GALNT1: variants seen among roughly 807,000 people sequenced by gnomAD.
GALNT1 encodes the protein GalNAc transferase 1.
GALNT1 carries 17 observed loss-of-function variants against 65.7 expected under a neutral mutation model. That is an observed-to-expected ratio of 0.26 (90% confidence interval 0.18 to 0.39). The LOEUF (loss-of-function observed/expected upper bound fraction) is 0.39, where lower values mean the gene tolerates loss of function less well. Among genes scored for constraint, GALNT1 ranks in the 10% least tolerant of loss-of-function variants. The probability of loss-of-function intolerance (pLI) is 1.00; values close to 1 mark genes in which losing one functional copy is unlikely to be tolerated. For synonymous variants in GALNT1, 210 were observed against 219.7 expected (o/e 0.96, Z 0.39); for missense variants, 460 against 672.8 (o/e 0.68, Z 3.50).
In GALNT1 at chr18:35,654,885, CT is replaced by C. The variant is rs2047360873; in HGVS notation, c.139+90del. On this transcript the variant is annotated intron_variant, in intron 2 of 11. Transcript: ENST00000269195. ...TAATTTGGATAATATAAAATTTTAA[CT>C]TTTTTAGATTAACTGTAGTCTGTGA... is the stretch of plus-strand genomic sequence containing the variant. 8 of 1,143,704 alleles carry C rather than the reference CT, an allele frequency of 7.0e-6. No individual in the cohort carries two copies. In the Admixed American group the frequency reaches 2.1e-4, roughly 31 times the overall value. 70.8% of individuals were successfully genotyped at this position (1,143,704 alleles called of 1,614,324 possible). A position where few individuals can be genotyped will look rare whatever the true frequency, so the allele number is the denominator to read the frequency against.
chr18:35,687,767 G>A (rs2047891090), intron 6 of GALNT1, among the ~76,000 whole-genome samples: 1 of 151,628 alleles, frequency 6.6e-6, no homozygotes, highest in African/African-American at 2.4e-5. Flanking sequence ...AAATCTTCAT[G>A]CTCTTTTTAG....
At chr18:35,690,935 A>AATACTATG in intron 7 of GALNT1, 77 bp from the exon 8 acceptor site, 1 of 1,332,386 alleles carries the variant, frequency 7.5e-7, no homozygotes. Context: ...TGAAAAGAAA[A>AATACTATG]ATACTATGGG....
chr18:35,646,749 G>T lies in GALNT1; in HGVS notation c.-103-7811G>T, dbSNP rs548876621. On this transcript the variant is annotated intron_variant, in intron 1 of 11. Coordinates refer to ENST00000269195, the MANE Select transcript of GALNT1 (RefSeq NM_020474.4). The stretch of plus-strand genomic sequence containing the variant: ...AAAAGTATTTTGTGTGTTTCTTTTA[G>T]TCTGTCTGCCCTACAGAGTAGCATA... 3.9e-5 allele frequency among the ~76,000 whole-genome samples: 6 copies of T among 152,318 alleles called. No homozygotes were observed. In the South Asian group the frequency reaches 6.2e-4, roughly 16 times the overall value.
chr18:35,632,839 C>G (rs1419242178), intron 1 of GALNT1, among the ~76,000 whole-genome samples: 2 of 151,982 alleles, frequency 1.3e-5, no homozygotes, highest in Non-Finnish European at 2.9e-5. Flanking sequence ...ACAAAGAACT[C>G]AAACAAATTT....
rs529577748 is a variant in GALNT1, at chr18:35,629,759, C to A, written c.-103-24801C>A. Among the ~76,000 whole-genome samples the A allele has an allele frequency of 2.2e-4, 34 of 152,236 alleles. No homozygotes were observed. In the South Asian group the frequency reaches 5.8e-3, roughly 26 times the overall value. Reference sequence around the variant, plus strand: ...AATGGGCTAAATTAAAAGACACAGACTGGCAAATTGGATAAAGAGTCAAGA... The same window carrying A: ...AATGGGCTAAATTAAAAGACACAGAATGGCAAATTGGATAAAGAGTCAAGA... On this transcript the variant is annotated intron_variant, in intron 1 of 11. Coordinates refer to ENST00000269195, the MANE Select transcript of GALNT1 (RefSeq NM_020474.4).
chr18:35,659,065 A>G (rs1388102485), intron 2 of GALNT1, among the ~76,000 whole-genome samples: 1 of 152,138 alleles, frequency 6.6e-6, no homozygotes, highest in African/African-American at 2.4e-5. Flanking sequence ...TTTTAAAACA[A>G]ACAACCAAAA....
chr18:35,613,561 AC>A (rs2046745593), intron 1 of GALNT1, among the ~76,000 whole-genome samples: 2 of 152,092 alleles, frequency 1.3e-5, no homozygotes, highest in South Asian at 4.1e-4. Flanking sequence ...GTCCTTCAAA[AC>A]CCAGAACTTT....
chr18:35,633,263 T>C (rs1007516591), intron 1 of GALNT1, among the ~76,000 whole-genome samples: 1 of 152,182 alleles, frequency 6.6e-6, no homozygotes, highest in Non-Finnish European at 1.5e-5. Flanking sequence ...ATTGTGGCAC[T>C]ATTCACAATA....
At chr18:35,630,093 C>T (rs1434060370) in intron 1 of GALNT1, among the ~76,000 whole-genome samples, 7 of 152,080 alleles carry the variant, frequency 4.6e-5, no homozygotes, top group Non-Finnish European at 1.0e-4. Flanking sequence ...GACTCCCACG[C>T]AATAATAATG....
chr18:35,646,005 T>C (rs2047226174), intron 1 of GALNT1, among the ~76,000 whole-genome samples: 1 of 152,196 alleles, frequency 6.6e-6, no homozygotes, highest in Admixed American at 6.5e-5. Context: ...TACACTGCTA[T>C]GAAGAACTAC....
intron 1 of GALNT1, among the ~76,000 whole-genome samples, chr18:35,622,629 C>A (rs1237046734): frequency 6.6e-6 from 1 of 152,194 alleles, no homozygotes; most frequent in Non-Finnish European, 1.5e-5. Flanking sequence ...AGCAACCTTG[C>A]TGAAAGTTCT....
chr18:35,608,975 C>T (rs1402905371), intron 1 of GALNT1, among the ~76,000 whole-genome samples: 2 of 152,184 alleles, frequency 1.3e-5, no homozygotes, highest in Non-Finnish European at 2.9e-5. Flanking sequence ...TTTCTCTAAA[C>T]AAATCCCTGA....
intron 1 of GALNT1, among the ~76,000 whole-genome samples, chr18:35,584,295 C>CT (rs569324961): frequency 6.6e-6 from 1 of 152,014 alleles, no homozygotes; most frequent in Admixed American, 6.5e-5. Flanking sequence ...AACTTTGGTA[C>CT]TTTTTTTTCA....
intron 5 of GALNT1, among the ~76,000 whole-genome samples, chr18:35,686,380 A>G (rs78999946): frequency 1.3e-5 from 2 of 152,352 alleles, no homozygotes; most frequent in East Asian, 3.9e-4. Context: ...AACTGTAAAA[A>G]GAAAAAAAAT....
intron 3 of GALNT1, among the ~76,000 whole-genome samples, chr18:35,676,732 G>A (rs1418077281): frequency 6.6e-6 from 1 of 152,140 alleles, no homozygotes; most frequent in Non-Finnish European, 1.5e-5. Context: ...ACTGTTTAGG[G>A]GGGCTTATGT....
At chr18:35,643,591 A>G (rs936607177) in intron 1 of GALNT1, among the ~76,000 whole-genome samples, 10 of 152,182 alleles carry the variant, frequency 6.6e-5, no homozygotes, top group Non-Finnish European at 1.3e-4. Context: ...GTGAAACCCC[A>G]TCTCTACAAA....
At chr18:35,653,449 T>TA (rs1324037574) in intron 1 of GALNT1, among the ~76,000 whole-genome samples, 1 of 152,210 alleles carries the variant, frequency 6.6e-6, no homozygotes, top group Non-Finnish European at 1.5e-5. Flanking sequence ...AAGTTGCCCT[T>TA]GTAAGAAGCT....
chr18:35,687,764 C>G (rs2047891020), intron 6 of GALNT1, among the ~76,000 whole-genome samples: 1 of 151,784 alleles, frequency 6.6e-6, no homozygotes, highest in African/African-American at 2.4e-5. Context: ...TAAAAATCTT[C>G]ATGCTCTTTT....
At chr18:35,662,543 G>A (rs772877637) in intron 2 of GALNT1, among the ~76,000 whole-genome samples, 5 of 152,238 alleles carry the variant, frequency 3.3e-5, no homozygotes, top group African/African-American at 7.2e-5. Context: ...TTACCAGCTC[G>A]TCCTGTTCTT....
Sources: gnomAD v4.1 joint callset for allele counts (sites outside exome capture counted in the v4.1 genomes callset) on GRCh38, gnomAD v4.1.1 for gene constraint, MANE v1.5 for transcripts, NCBI Gene and HGNC (gene_info 2026-07-23, HGNC 2026-07-21) for gene names.